The following FAM171A1 variants were observed in gnomAD, a reference collection of about 807,000 sequenced individuals.
FAM171A1 encodes family with sequence similarity 171 member A1.
Under a neutral mutation model 74.9 loss-of-function variants are expected in FAM171A1, and 23 were observed. The observed-to-expected ratio is 0.31, with a 90% CI of 0.22 to 0.44. The LOEUF is 0.44. FAM171A1 is among the 20% of genes least tolerant of loss of function. FAM171A1 has a pLI of 1.00. For missense variants in FAM171A1, 1,162 were observed against 1,159.2 expected (o/e 1.00, Z -0.03); for synonymous variants, 527 against 505.7 (o/e 1.04, Z -0.57).
intron 1 of FAM171A1, among the ~76,000 whole-genome samples, chr10:15,303,707 T>C (rs748215580): frequency 6.6e-6 from 1 of 152,272 alleles, no homozygotes; most frequent in East Asian, 1.9e-4. Context: ...ATCCTTCACA[T>C]TGGTGTTCCT....
In FAM171A1 at chr10:15,239,078, G is replaced by A. The variant is rs78698182; in HGVS notation, c.754+9561C>T. Among the ~76,000 whole-genome samples the A allele has an allele frequency of 4.7e-4, 71 of 152,226 alleles. No individual in the cohort carries two copies. The East Asian group carries it at 0.013, about 27-fold the overall frequency. ...AAGTCAGATGTCCGTCTGACAACCT[G>A]TACATCAGACAGCCATCTGCTGCCC... On this transcript the variant is annotated intron_variant, in intron 5 of 7. Coordinates refer to ENST00000378116, the MANE Select transcript of FAM171A1 (RefSeq NM_001010924.2).
chr10:15,254,763 C>T lies in FAM171A1; in HGVS notation c.535G>A (p.Asp179Asn), dbSNP rs1305885905. The change falls in exon 4 of 8, where the codon GAC becomes AAC. Residue 179 changes from aspartate (D) to asparagine (N), a missense_variant. Transcript: ENST00000378116. ...AATCCTCGCAAATAAGGAAAACTGT[C>T]CACCTCCGAAGGGGAGCTGGCGGCC... ...LTAASSPSEV[D>N]SFPYLRGLDG... 6.2e-7 allele frequency: 1 copy of T among 1,614,222 alleles called. No homozygotes were observed. The highest frequency in any genetic ancestry group is 1.1e-5 in the South Asian group (1 of 91,080).
At chr10:15,338,014 A>AAACTATT (rs1296934525) in intron 1 of FAM171A1, among the ~76,000 whole-genome samples, 2 of 152,190 alleles carry the variant, frequency 1.3e-5, no homozygotes, top group African/African-American at 4.8e-5. Flanking sequence ...TGCCAAATAA[A>AAACTATT]TAAATTCCTA....
At chr10:15,254,251 A>G (rs1195822843) in intron 4 of FAM171A1, among the ~76,000 whole-genome samples, 1 of 151,930 alleles carries the variant, frequency 6.6e-6, no homozygotes, top group Non-Finnish European at 1.5e-5. Flanking sequence ...TGGACCAAGC[A>G]CCACCTCTTC....
chr10:15,271,174 G>T (rs955279099), intron 3 of FAM171A1, among the ~76,000 whole-genome samples: 2 of 152,128 alleles, frequency 1.3e-5, no homozygotes, highest in South Asian at 4.1e-4. Flanking sequence ...AATAAACAGC[G>T]TAGAGAAGAC....
intron 1 of FAM171A1, among the ~76,000 whole-genome samples, chr10:15,370,234 ATTTTTC>A (rs1293848757): frequency 1.0e-4 from 13 of 127,714 alleles, no homozygotes; most frequent in African/African-American, 3.9e-4. Context: ...TCTGGAAAGG[ATTTTTC>A]TTTTTTTTTT....
chr10:15,299,774 T>C (rs1286562177), intron 1 of FAM171A1, among the ~76,000 whole-genome samples: 1 of 151,950 alleles, frequency 6.6e-6, no homozygotes, highest in Non-Finnish European at 1.5e-5. Flanking sequence ...GTCAGGAGAT[T>C]GAGACCATCC....
At chr10:15,365,237 A>T (rs1234692080) in intron 1 of FAM171A1, among the ~76,000 whole-genome samples, 1 of 152,184 alleles carries the variant, frequency 6.6e-6, no homozygotes, top group Non-Finnish European at 1.5e-5. Context: ...AAGGGACGTA[A>T]GCAGACACTT....
At chr10:15,268,720 G>C (rs1334919590) in intron 3 of FAM171A1, among the ~76,000 whole-genome samples, 3 of 152,064 alleles carry the variant, frequency 2.0e-5, no homozygotes, top group Non-Finnish European at 4.4e-5. Flanking sequence ...ACAGGCACTG[G>C]AGCCTCCCAA....
chr10:15,274,012 A>G (rs1834861447), intron 3 of FAM171A1, among the ~76,000 whole-genome samples: 3 of 152,224 alleles, frequency 2.0e-5, no homozygotes, highest in Admixed American at 2.0e-4. Context: ...CCTGTTCAAC[A>G]TAGTGTTGGA....
At chr10:15,348,248 G>A (rs1248715309) in intron 1 of FAM171A1, among the ~76,000 whole-genome samples, 2 of 152,144 alleles carry the variant, frequency 1.3e-5, no homozygotes, top group Non-Finnish European at 2.9e-5. Context: ...CAAAGTGCTG[G>A]GATTACAGGC....
In FAM171A1 at chr10:15,330,045, C is replaced by T. The variant is rs141604406; in HGVS notation, c.97+40911G>A. On this transcript the variant is annotated intron_variant, in intron 1 of 7. Transcript: ENST00000378116. ...TTATAAGTTTAATTCTCCTGGTAAA[C>T]ATTTTCCCTGTGAGGGCTGGGCGTG... is the stretch of plus-strand genomic sequence containing the variant. Among the ~76,000 whole-genome samples the T allele has an allele frequency of 5.7e-4, 86 of 152,206 alleles. 3 individuals are homozygous for T. The East Asian group carries it at 0.016, about 28-fold the overall frequency.
At chr10:15,236,541 T>C (rs1322742192) in intron 5 of FAM171A1, among the ~76,000 whole-genome samples, 1 of 152,040 alleles carries the variant, frequency 6.6e-6, no homozygotes. Flanking sequence ...GGAGCCGGCA[T>C]TCAAGACCAA....
At chr10:15,314,752 T>C (rs1012191304) in intron 1 of FAM171A1, among the ~76,000 whole-genome samples, 5 of 152,236 alleles carry the variant, frequency 3.3e-5, no homozygotes, top group African/African-American at 1.2e-4. Flanking sequence ...AACCACGAAA[T>C]GGCACAGGTT....
intron 1 of FAM171A1, among the ~76,000 whole-genome samples, chr10:15,365,308 A>G (rs1257248010): frequency 6.6e-6 from 1 of 152,242 alleles, no homozygotes; most frequent in African/African-American, 2.4e-5. Context: ...AAGGACAAAG[A>G]GTTTGAGGTA....
Position 15,224,749 on chromosome 10 carries a change from TG to T in FAM171A1, c.755-3690del, listed in dbSNP as rs1834083452. The stretch of plus-strand genomic sequence containing the variant: ...TGATTGTGAGGCCTCCCCAGCCATG[TG>T]GAACTGTGAGTCTATTAAACCTCTT... On this transcript the variant is annotated intron_variant, in intron 5 of 7. Coordinates refer to ENST00000378116, the MANE Select transcript of FAM171A1 (RefSeq NM_001010924.2). Among the ~76,000 whole-genome samples the T allele has an allele frequency of 2.6e-5, 4 of 152,314 alleles. No homozygotes were observed. The South Asian group carries it at 8.3e-4, about 32-fold the overall frequency.
chr10:15,244,360 A>T (rs1467122251), intron 5 of FAM171A1, among the ~76,000 whole-genome samples: 1 of 151,998 alleles, frequency 6.6e-6, no homozygotes, highest in Non-Finnish European at 1.5e-5. Context: ...GTCTCAAAAA[A>T]GCCCCCCAAA....
chr10:15,268,558 C>G (rs1834778504), intron 3 of FAM171A1, among the ~76,000 whole-genome samples: 1 of 151,940 alleles, frequency 6.6e-6, no homozygotes, highest in African/African-American at 2.4e-5. Flanking sequence ...TTGGAGGTGC[C>G]TGACAGGCCT....
At chr10:15,279,164 A>T (rs972096338) in intron 2 of FAM171A1, among the ~76,000 whole-genome samples, 1 of 152,184 alleles carries the variant, frequency 6.6e-6, no homozygotes, top group Non-Finnish European at 1.5e-5. Context: ...GAGGTGTGTG[A>T]CCATCGCAGT....
Sources: allele counts gnomAD v4.1 joint callset (sites outside exome capture counted in the v4.1 genomes callset), GRCh38; gene constraint gnomAD v4.1.1; transcripts MANE v1.5; gene names NCBI Gene and HGNC (gene_info 2026-07-23, HGNC 2026-07-21).